The following ENTREP2 variants were observed in gnomAD, a reference collection of about 807,000 sequenced individuals.
ENTREP2 encodes the protein protein ENTREP2.
the ENTREP2 span, among the ~76,000 whole-genome samples, chr15:29,361,752 C>A: frequency 6.6e-6 from 1 of 152,132 alleles, no homozygotes; most frequent in African/African-American, 2.4e-5. Context: ...ACAGATAGAA[C>A]AAGGAACTGC....
chr15:29,215,921 T>C, the ENTREP2 span, among the ~76,000 whole-genome samples: 2 of 152,196 alleles, frequency 1.3e-5, no homozygotes, highest in Admixed American at 6.5e-5. Context: ...CTGTATCTTT[T>C]AAGGGGAGCA....
At chr15:29,296,216 C>G in the ENTREP2 span, among the ~76,000 whole-genome samples, 275 of 152,214 alleles carry the variant, frequency 1.8e-3, no homozygotes, top group African/African-American at 6.1e-3. Flanking sequence ...TCTAGAGAAT[C>G]CCAATTAATA....
chr15:29,565,609 A>T, the ENTREP2 span, among the ~76,000 whole-genome samples: 12 of 152,252 alleles, frequency 7.9e-5, no homozygotes, highest in Non-Finnish European at 1.5e-5. Flanking sequence ...TTTTTAAAAG[A>T]AGTTACAGAG....
the ENTREP2 span, among the ~76,000 whole-genome samples, chr15:29,312,370 T>C: frequency 2.0e-5 from 3 of 151,988 alleles, no homozygotes; most frequent in Non-Finnish European, 2.9e-5. Context: ...ATAAGAAAGC[T>C]GGTTGTATAA....
chr15:29,235,911 C>T, the ENTREP2 span, among the ~76,000 whole-genome samples: 1 of 151,688 alleles, frequency 6.6e-6, no homozygotes, highest in Non-Finnish European at 1.5e-5. Context: ...TGCAGTGAGC[C>T]GAGATTGAGC....
chr15:29,633,482 A>ATTTGG, the ENTREP2 span, among the ~76,000 whole-genome samples: 1 of 151,902 alleles, frequency 6.6e-6, no homozygotes, highest in Non-Finnish European at 1.5e-5. Flanking sequence ...ATTGAAATGT[A>ATTTGG]TTTGGTATGA....
the ENTREP2 span, among the ~76,000 whole-genome samples, chr15:29,223,479 A>G: frequency 6.6e-6 from 1 of 152,176 alleles, no homozygotes; most frequent in African/African-American, 2.4e-5. Flanking sequence ...TCCTTCGTAG[A>G]CATGCTAGCG....
At chr15:29,490,552 CT>C in the ENTREP2 span, among the ~76,000 whole-genome samples, 1 of 152,184 alleles carries the variant, frequency 6.6e-6, no homozygotes, top group African/African-American at 2.4e-5. Context: ...GCTAATTGGT[CT>C]GTTTTGACAG....
the ENTREP2 span, among the ~76,000 whole-genome samples, chr15:29,391,841 T>C: frequency 6.6e-6 from 1 of 152,260 alleles, no homozygotes. Context: ...TGTTGTTGTT[T>C]TGAGACAGAG....
the ENTREP2 span, among the ~76,000 whole-genome samples, chr15:29,672,490 A>C: frequency 2.1e-3 from 322 of 152,220 alleles, 1 homozygote; most frequent in African/African-American, 7.3e-3. Context: ...CTAAAAGTCA[A>C]ATCAAGTATG....
At chr15:29,583,683 A>G in the ENTREP2 span, among the ~76,000 whole-genome samples, 1 of 152,224 alleles carries the variant, frequency 6.6e-6, no homozygotes, top group Non-Finnish European at 1.5e-5. Flanking sequence ...AAGGATGCAG[A>G]TAAACTATCA....
chr15:29,397,938 C>A, the ENTREP2 span, among the ~76,000 whole-genome samples: 654 of 151,864 alleles, frequency 4.3e-3, 1 homozygote, highest in African/African-American at 0.015. Flanking sequence ...TTTATTTTTC[C>A]TGTGCTGGAT....
the ENTREP2 span, among the ~76,000 whole-genome samples, chr15:29,450,148 G>T: frequency 6.6e-6 from 1 of 152,046 alleles, no homozygotes; most frequent in African/African-American, 2.4e-5. Flanking sequence ...CTGAATATTG[G>T]ACCTTTGTCA....
At chr15:29,435,566 T>C in the ENTREP2 span, among the ~76,000 whole-genome samples, 1 of 152,132 alleles carries the variant, frequency 6.6e-6, no homozygotes, top group Non-Finnish European at 1.5e-5. Flanking sequence ...TGTAGTTTTA[T>C]AAATTGTTAT....
chr15:29,215,503 T>C, the ENTREP2 span, among the ~76,000 whole-genome samples: 1 of 151,936 alleles, frequency 6.6e-6, no homozygotes, highest in Non-Finnish European at 1.5e-5. Flanking sequence ...TGGCTCTCCT[T>C]GCTCCTCAGC....
the ENTREP2 span, among the ~76,000 whole-genome samples, chr15:29,296,796 C>A: frequency 3.3e-5 from 5 of 152,078 alleles, no homozygotes; most frequent in Non-Finnish European, 5.9e-5. Flanking sequence ...CAAATCAGAG[C>A]TTTCTAGAAA....
chr15:29,422,240 A>G, the ENTREP2 span, among the ~76,000 whole-genome samples: 1 of 152,216 alleles, frequency 6.6e-6, no homozygotes, highest in African/African-American at 2.4e-5. Context: ...ATTGCACTCC[A>G]GCCTGAGCAA....
the ENTREP2 span, among the ~76,000 whole-genome samples, chr15:29,253,449 TCTC>T: frequency 5.4e-4 from 45 of 84,008 alleles, no homozygotes; most frequent in Non-Finnish European, 1.0e-3. Context: ...ATTGTCTCTC[TCTC>T]TTTTTTTTTT....
the ENTREP2 span, among the ~76,000 whole-genome samples, chr15:29,510,962 T>G: frequency 6.6e-6 from 1 of 152,046 alleles, no homozygotes; most frequent in East Asian, 1.9e-4. Context: ...ACACCACATA[T>G]TCTCACTCAT....
Sources: gnomAD v4.1 joint callset for allele counts (sites outside exome capture counted in the v4.1 genomes callset) on GRCh38, gnomAD v4.1.1 for gene constraint, MANE v1.5 for transcripts, NCBI Gene and HGNC (gene_info 2026-07-23, HGNC 2026-07-21) for gene names.